Variants in GRIK1 observed in about 807,000 individuals in gnomAD.
GRIK1 encodes glutamate ionotropic receptor kainate type subunit 1.
In GRIK1, 69 loss-of-function variants were observed where a neutral mutation model predicts 105.7. That is an observed-to-expected ratio of 0.65 (90% CI 0.54 to 0.80). The LOEUF is 0.80. Among genes scored for constraint, GRIK1 ranks in the 30% least tolerant of loss-of-function variants. GRIK1 has a pLI of 0.00. For synonymous variants in GRIK1, 438 were observed against 431.3 expected, an observed-to-expected ratio of 1.02 and a Z score of -0.19; for missense variants, 1,109 against 1,167.3, an observed-to-expected ratio of 0.95 and a Z score of 0.73.
chr21:29,758,433 A>G (rs2065408402), intron 1 of GRIK1, among the ~76,000 whole-genome samples: 1 of 152,176 alleles, frequency 6.6e-6, no homozygotes, highest in African/African-American at 2.4e-5. Flanking sequence ...TTATAAAACC[A>G]TCAGCTCTTA....
chr21:29,799,841 T>C (rs1399971803), intron 1 of GRIK1, among the ~76,000 whole-genome samples: 1 of 152,226 alleles, frequency 6.6e-6, no homozygotes, highest in Non-Finnish European at 1.5e-5. Context: ...GCCAGTTTTT[T>C]TAAACAGACA....
intron 1 of GRIK1, among the ~76,000 whole-genome samples, chr21:29,773,394 CTATGTTAGG>C (rs2065862321): frequency 6.6e-6 from 1 of 152,124 alleles, no homozygotes; most frequent in African/African-American, 2.4e-5. Context: ...CCTTCTTCAC[CTATGTTAGG>C]TAATCGGCAT....
chr21:29,732,114 G>A (rs1451173393), intron 1 of GRIK1, among the ~76,000 whole-genome samples: 2 of 152,112 alleles, frequency 1.3e-5, no homozygotes, highest in Non-Finnish European at 2.9e-5. Context: ...TTGAACGACC[G>A]TTGTAATTTA....
chr21:29,885,278 T>G lies in GRIK1; in HGVS notation c.118+54105A>C, dbSNP rs148103008. On this transcript the variant is annotated intron_variant, in intron 1 of 17. Coordinates refer to ENST00000327783, the MANE Select transcript of GRIK1 (RefSeq NM_001330994.2). Reference sequence around the variant, plus strand: ...GTATGGTTAAATAGTCTTCAACTTCTTCTTCTAAGCCTTTGCTAGATGGTT... The same window carrying G: ...GTATGGTTAAATAGTCTTCAACTTCGTCTTCTAAGCCTTTGCTAGATGGTT... Among the ~76,000 whole-genome samples, 3 of 152,196 alleles carry G rather than the reference T, an allele frequency of 2.0e-5. No homozygotes were observed. The East Asian group carries it at 5.8e-4, about 29-fold the overall frequency.
intron 1 of GRIK1, among the ~76,000 whole-genome samples, chr21:29,880,123 T>C (rs2069349488): frequency 6.6e-6 from 1 of 152,116 alleles, no homozygotes; most frequent in Non-Finnish European, 1.5e-5. Context: ...ATAGCACTAA[T>C]TCACCTCTGA....
chr21:29,575,494 A>G (rs908799565), intron 14 of GRIK1, among the ~76,000 whole-genome samples: 4 of 152,172 alleles, frequency 2.6e-5, no homozygotes, highest in Admixed American at 2.6e-4. Flanking sequence ...AAAAGAGTTC[A>G]TTTTGAACTC....
chr21:29,603,733 A>G (rs1163287114), intron 7 of GRIK1, among the ~76,000 whole-genome samples: 1 of 152,288 alleles, frequency 6.6e-6, no homozygotes. Flanking sequence ...TAGGCTTACA[A>G]TATCTGTCTG....
chr21:29,621,683 C>G (rs1372952807), intron 7 of GRIK1, among the ~76,000 whole-genome samples: 1 of 152,168 alleles, frequency 6.6e-6, no homozygotes, highest in Non-Finnish European at 1.5e-5. Flanking sequence ...ATTTATTACC[C>G]TACTTCTAGG....
At chr21:29,811,716 C>T (rs1425938796) in intron 1 of GRIK1, among the ~76,000 whole-genome samples, 1 of 152,136 alleles carries the variant, frequency 6.6e-6, no homozygotes, top group Admixed American at 6.6e-5. Context: ...CCTCCCGTGA[C>T]TTCCTATCCT....
chr21:29,714,349 T>C (rs557657321), intron 1 of GRIK1, among the ~76,000 whole-genome samples: 110 of 152,310 alleles, frequency 7.2e-4, no homozygotes, highest in East Asian at 2.7e-3. Context: ...AAGTGTAATT[T>C]GTGTGAATCA....
chr21:29,602,688 A>C (rs2061540450), intron 7 of GRIK1, among the ~76,000 whole-genome samples: 1 of 152,220 alleles, frequency 6.6e-6, no homozygotes, highest in Admixed American at 6.5e-5. Flanking sequence ...ATAAATTATA[A>C]GTTTGCCATG....
At chr21:29,710,737 A>G (rs1232342687) in intron 1 of GRIK1, among the ~76,000 whole-genome samples, 2 of 150,986 alleles carry the variant, frequency 1.3e-5, no homozygotes, top group Non-Finnish European at 3.0e-5. Context: ...TATTTTTCTT[A>G]TTTCAACTTT....
At chr21:29,548,783 A>G (rs779885367) in intron 16 of GRIK1, among the ~76,000 whole-genome samples, 5 of 152,220 alleles carry the variant, frequency 3.3e-5, no homozygotes, top group Non-Finnish European at 5.9e-5. Context: ...GGATAGGTTT[A>G]TAATCATATG....
intron 9 of GRIK1, 55 bp from the exon 10 acceptor site, chr21:29,591,280 C>T: frequency 1.0e-6 from 1 of 981,994 alleles, no homozygotes; most frequent in Non-Finnish European, 1.7e-6. Flanking sequence ...GCATTTACAC[C>T]AAAGAGAGGC....
chr21:29,837,927 A>T (rs1033588124), intron 1 of GRIK1, among the ~76,000 whole-genome samples: 1 of 152,248 alleles, frequency 6.6e-6, no homozygotes. Flanking sequence ...ACTAAAATCC[A>T]CCTTCCAGTA....
At chr21:29,688,783 T>A (rs2063531717) in intron 3 of GRIK1, among the ~76,000 whole-genome samples, 1 of 151,988 alleles carries the variant, frequency 6.6e-6, no homozygotes, top group Admixed American at 6.6e-5. Context: ...TTGCGTGCGG[T>A]CGTGGAGAAT....
intron 10 of GRIK1, among the ~76,000 whole-genome samples, chr21:29,589,798 T>C (rs923285321): frequency 5.3e-5 from 8 of 152,232 alleles, no homozygotes; most frequent in Admixed American, 2.0e-4. Context: ...TTGCATTTCC[T>C]ATCTATGACT....
intron 3 of GRIK1, among the ~76,000 whole-genome samples, chr21:29,683,438 G>C (rs920869847): frequency 2.6e-5 from 4 of 152,202 alleles, no homozygotes; most frequent in African/African-American, 4.8e-5. Flanking sequence ...AGAATACTAT[G>C]CAGCTATAAA....
intron 6 of GRIK1, among the ~76,000 whole-genome samples, chr21:29,649,807 T>G (rs962076019): frequency 7.2e-5 from 11 of 152,226 alleles, no homozygotes; most frequent in Admixed American, 1.3e-4. Flanking sequence ...TTTAGTGGTA[T>G]ATACCAAACA....
Sources: allele counts gnomAD v4.1 joint callset (sites outside exome capture counted in the v4.1 genomes callset), GRCh38; gene constraint gnomAD v4.1.1; transcripts MANE v1.5; gene names NCBI Gene and HGNC (gene_info 2026-07-23, HGNC 2026-07-21).